ATP2B2: variants seen among roughly 807,000 people sequenced by gnomAD.
ATP2B2 encodes plasma membrane calcium-transporting ATPase 2.
In ATP2B2, 15 loss-of-function variants were observed where a neutral mutation model predicts 120.0. That is an observed-to-expected ratio of 0.12 (90% CI 0.08 to 0.19). ATP2B2 has a LOEUF of 0.19. Among genes scored for constraint, ATP2B2 ranks in the 10% least tolerant of loss-of-function variants. The probability of loss-of-function intolerance (pLI) is 1.00; values close to 1 mark genes in which losing one functional copy is unlikely to be tolerated. For synonymous variants in ATP2B2, 694 were observed against 700.3 expected (o/e 0.99, Z 0.14); for missense variants, 1,045 against 1,719.8 (o/e 0.61, Z 6.94).
chr3:10,474,529 G>T (rs968588858), intron 1 of ATP2B2, among the ~76,000 whole-genome samples: 2 of 152,204 alleles, frequency 1.3e-5, no homozygotes, highest in African/African-American at 4.8e-5. Flanking sequence ...TAGAGGAGGA[G>T]ACCGGAGCCA....
intron 1 of ATP2B2, among the ~76,000 whole-genome samples, chr3:10,648,642 G>C (rs547896439): frequency 1.3e-5 from 2 of 152,078 alleles, no homozygotes; most frequent in African/African-American, 2.4e-5. Flanking sequence ...CCCCAAACCT[G>C]GTCCTGGGTT....
At chr3:10,670,165 G>A (rs1431364689) in intron 1 of ATP2B2, among the ~76,000 whole-genome samples, 1 of 152,204 alleles carries the variant, frequency 6.6e-6, no homozygotes, top group Non-Finnish European at 1.5e-5. Context: ...GAGAGGTCGA[G>A]TATGTATTCC....
At chr3:10,486,538 C>T (rs2065679887) in intron 1 of ATP2B2, among the ~76,000 whole-genome samples, 1 of 152,106 alleles carries the variant, frequency 6.6e-6, no homozygotes, top group Admixed American at 6.5e-5. Flanking sequence ...CCAGTATGTT[C>T]TCACCTCAGG....
chr3:10,464,139 T>C (rs2064626079), intron 1 of ATP2B2, among the ~76,000 whole-genome samples: 1 of 152,184 alleles, frequency 6.6e-6, no homozygotes, highest in Admixed American at 6.5e-5. Flanking sequence ...GGCATGTCTG[T>C]CCCTGGCCAC....
At chr3:10,602,553 G>C (rs904548589) in intron 2 of ATP2B2, among the ~76,000 whole-genome samples, 6 of 152,220 alleles carry the variant, frequency 3.9e-5, no homozygotes, top group Non-Finnish European at 2.9e-5. Context: ...CGGCAGCGAG[G>C]TGGAATTTAA....
At chr3:10,588,513 C>T (rs1173292444) in intron 2 of ATP2B2, among the ~76,000 whole-genome samples, 1 of 152,218 alleles carries the variant, frequency 6.6e-6, no homozygotes, top group Non-Finnish European at 1.5e-5. Flanking sequence ...AGGCCATACA[C>T]CTGACTCTGC....
chr3:10,358,718 C>T lies in ATP2B2; in HGVS notation c.2109G>A (p.Val703=), dbSNP rs2060810307. Residue 703 remains valine, a synonymous_variant, in exon 14 of 23, where the codon GTG becomes GTA. Transcript: ENST00000360273. ...ILNELTCICV[V]GIEDPVRPEV... ...CTGGCCGCACCGGGTCCTCGATGCC[C>T]ACCACGCAGATGCAGGTGAGTTCGT... 6.2e-7 allele frequency: 1 copy of T among 1,614,114 alleles called. No homozygotes were observed. The highest frequency in any genetic ancestry group is 1.3e-5 in the African/African-American group (1 of 74,946).
chr3:10,552,067 C>A (rs1195219529), intron 2 of ATP2B2, among the ~76,000 whole-genome samples: 1 of 152,206 alleles, frequency 6.6e-6, no homozygotes, highest in Non-Finnish European at 1.5e-5. Flanking sequence ...CCTCACTGTG[C>A]CTATCCTGGG....
intron 22 of ATP2B2, 44 bp downstream of exon 22, chr3:10,338,132 C>T (rs376896949): frequency 7.3e-5 from 118 of 1,610,504 alleles, no homozygotes; most frequent in African/African-American, 3.5e-4. Flanking sequence ...TCCCCTGGCC[C>T]GCCCCGGCCA....
intron 1 of ATP2B2, among the ~76,000 whole-genome samples, chr3:10,667,686 C>A (rs556031957): frequency 4.6e-4 from 70 of 152,264 alleles, no homozygotes; most frequent in African/African-American, 1.5e-3. Flanking sequence ...GGGCTCCTTG[C>A]CTAAGTTAAC....
At chr3:10,672,636 G>A (rs752184489) in intron 1 of ATP2B2, among the ~76,000 whole-genome samples, 1 of 152,218 alleles carries the variant, frequency 6.6e-6, no homozygotes, top group Non-Finnish European at 1.5e-5. Context: ...TTAAAGGTTT[G>A]CAGATTACTG....
At chr3:10,408,996 G>A (rs906285861) in intron 3 of ATP2B2, among the ~76,000 whole-genome samples, 13 of 152,336 alleles carry the variant, frequency 8.5e-5, no homozygotes, top group African/African-American at 3.1e-4. Context: ...CAGGGCCTTG[G>A]TTTCGTGGAT....
At chr3:10,520,700 C>G (rs1042893193) in intron 3 of ATP2B2, among the ~76,000 whole-genome samples, 2 of 151,382 alleles carry the variant, frequency 1.3e-5, no homozygotes, top group East Asian at 1.9e-4. Flanking sequence ...AAGTGATCTG[C>G]CTGCCTGGGC....
intron 12 of ATP2B2, among the ~76,000 whole-genome samples, 177 bp downstream of exon 12, chr3:10,371,629 CATT>C (rs2061245101): frequency 6.6e-6 from 1 of 152,226 alleles, no homozygotes; most frequent in African/African-American, 2.4e-5. Flanking sequence ...GTCACACAAA[CATT>C]GTAGCAATAT....
At chr3:10,564,066 AAG>A (rs1301911952) in intron 2 of ATP2B2, among the ~76,000 whole-genome samples, 1 of 152,202 alleles carries the variant, frequency 6.6e-6, no homozygotes, top group East Asian at 1.9e-4. Context: ...CCTGGTGAGA[AAG>A]AAACTTCAGG....
rs201564326 is a variant in ATP2B2 at position 10,595,964 on chromosome 3, C to A, written c.-415+23953G>T. On this transcript the variant is annotated intron_variant, in intron 2 of 21. Coordinates refer to the ATP2B2 transcript ENST00000646379. The stretch of plus-strand genomic sequence containing the variant: ...GCTCCTCGAACCCACCACGTTCATT[C>A]CCAACTTGGCACTTTTCACTGACTG... Among the ~76,000 whole-genome samples, 17 of 152,264 alleles carry A rather than the reference C, an allele frequency of 1.1e-4. No individual in the cohort carries two copies. In the East Asian group the frequency reaches 3.3e-3, roughly 29 times the overall value.
intron 3 of ATP2B2, among the ~76,000 whole-genome samples, chr3:10,524,050 G>A (rs1157134446): frequency 6.6e-6 from 1 of 152,206 alleles, no homozygotes; most frequent in East Asian, 1.9e-4. Context: ...AATATCGTGA[G>A]CATTGCCCAT....
chr3:10,332,733 G>A (rs2060014782), intron 22 of ATP2B2, among the ~76,000 whole-genome samples: 1 of 152,150 alleles, frequency 6.6e-6, no homozygotes, highest in Non-Finnish European at 1.5e-5. Flanking sequence ...AGGGACTCCG[G>A]AGTCTGACCT....
At chr3:10,363,234 C>A (rs778142924) in intron 12 of ATP2B2, among the ~76,000 whole-genome samples, 1 of 152,244 alleles carries the variant, frequency 6.6e-6, no homozygotes, top group Non-Finnish European at 1.5e-5. Flanking sequence ...CAGGGACCCT[C>A]CCCTTTTCTC....
Sources: gnomAD v4.1 joint callset for allele counts (sites outside exome capture counted in the v4.1 genomes callset) on GRCh38, gnomAD v4.1.1 for gene constraint, MANE v1.5 for transcripts, NCBI Gene and HGNC (gene_info 2026-07-23, HGNC 2026-07-21) for gene names.